Variants in DPH6 observed in about 807,000 individuals in gnomAD.
DPH6 encodes diphthamine biosynthesis 6.
A neutral mutation model predicts 38.2 loss-of-function variants in DPH6; 33 were observed. That is an observed-to-expected ratio of 0.86 (90% CI 0.65 to 1.15). The LOEUF is 1.15. Ranked by LOEUF, DPH6 falls within the 50% of genes most tolerant of loss-of-function variation. DPH6 has a pLI of 0.00. For synonymous variants in DPH6, 108 were observed against 103.0 expected, an observed-to-expected ratio of 1.05 and a Z score of -0.30; for missense variants, 325 against 320.0, an observed-to-expected ratio of 1.02 and a Z score of -0.12.
chr15:35,450,452 A>G (rs1291068192), intron 5 of DPH6, among the ~76,000 whole-genome samples: 3 of 148,562 alleles, frequency 2.0e-5, no homozygotes, highest in East Asian at 2.0e-4. Context: ...AACCTGTTAT[A>G]TGTTAAAAAA....
chr15:35,190,464 G>C, the DPH6 span, among the ~76,000 whole-genome samples: 6 of 152,308 alleles, frequency 3.9e-5, no homozygotes, highest in Admixed American at 3.3e-4. Context: ...GATGACTCCT[G>C]TTACTAAGTG....
chr15:35,163,250 C>T, the DPH6 span, among the ~76,000 whole-genome samples: 2 of 151,832 alleles, frequency 1.3e-5, no homozygotes, highest in Non-Finnish European at 2.9e-5. Flanking sequence ...TCGTTTTTAA[C>T]CTTCCATAGA....
chr15:35,352,434 C>T (rs1172510780), intron 3 of DPH6, among the ~76,000 whole-genome samples: 1 of 152,146 alleles, frequency 6.6e-6, no homozygotes. Flanking sequence ...TCCCCGCTAC[C>T]CCCACCCCAC....
At chr15:35,434,565 C>T (rs532536497) in intron 5 of DPH6, among the ~76,000 whole-genome samples, 4 of 152,002 alleles carry the variant, frequency 2.6e-5, no homozygotes, top group Admixed American at 6.6e-5. Flanking sequence ...TCCAATGTTA[C>T]GCCAATTATA....
chr15:35,273,515 A>G (rs184784949), intron 3 of DPH6, among the ~76,000 whole-genome samples: 2 of 152,294 alleles, frequency 1.3e-5, no homozygotes, highest in East Asian at 3.9e-4. Flanking sequence ...TCAGCCCCCA[A>G]ACTCAGTGCA....
At chr15:35,362,238 GTGTC>G (rs2052620270) in intron 3 of DPH6, among the ~76,000 whole-genome samples, 1 of 152,128 alleles carries the variant, frequency 6.6e-6, no homozygotes, top group South Asian at 2.1e-4. Context: ...ACTCTGTAGA[GTGTC>G]TGTCTGCAGT....
the DPH6 span, among the ~76,000 whole-genome samples, chr15:35,193,387 A>G: frequency 6.6e-6 from 1 of 151,928 alleles, no homozygotes; most frequent in Non-Finnish European, 1.5e-5. Context: ...TAATATTTCG[A>G]TAAATTAATA....
chr15:35,520,327 G>T, intron 3 of DPH6: 2 of 981,044 alleles, frequency 2.0e-6, no homozygotes, highest in Non-Finnish European at 2.4e-6. Flanking sequence ...AATAGAAAAA[G>T]CAAGTTTTTC....
intron 3 of DPH6, among the ~76,000 whole-genome samples, chr15:35,478,921 G>A (rs1179184737): frequency 6.6e-6 from 1 of 151,986 alleles, no homozygotes; most frequent in Non-Finnish European, 1.5e-5. Flanking sequence ...AACTACAGAA[G>A]AAGGCTATTT....
chr15:35,435,819 T>G (rs2053691542), intron 5 of DPH6, among the ~76,000 whole-genome samples: 1 of 151,988 alleles, frequency 6.6e-6, no homozygotes, highest in Non-Finnish European at 1.5e-5. Flanking sequence ...TTTCCTTTTG[T>G]TTCTGAGCCT....
chr15:35,233,120 C>T (rs2051529439), intron 3 of DPH6, among the ~76,000 whole-genome samples: 1 of 152,034 alleles, frequency 6.6e-6, no homozygotes, highest in South Asian at 2.1e-4. Flanking sequence ...CCAGCCTGGC[C>T]AATGTGGTGA....
At chr15:35,170,405 G>A in the DPH6 span, among the ~76,000 whole-genome samples, 1 of 152,106 alleles carries the variant, frequency 6.6e-6, no homozygotes, top group Non-Finnish European at 1.5e-5. Context: ...AAATGCTCTT[G>A]GAAAATAAAC....
At chr15:35,254,334 T>C (rs1057153523) in intron 3 of DPH6, among the ~76,000 whole-genome samples, 1 of 152,222 alleles carries the variant, frequency 6.6e-6, no homozygotes, top group African/African-American at 2.4e-5. Context: ...TTGCATTAAC[T>C]TCATAAACTG....
chr15:35,248,636 C>A (rs1197556132), intron 3 of DPH6, among the ~76,000 whole-genome samples: 1 of 152,176 alleles, frequency 6.6e-6, no homozygotes, highest in African/African-American at 2.4e-5. Context: ...AATCTGAAGG[C>A]TCCCATGTCA....
chr15:35,424,647 T>C (rs947596455), intron 5 of DPH6, among the ~76,000 whole-genome samples: 1 of 151,574 alleles, frequency 6.6e-6, no homozygotes, highest in Non-Finnish European at 1.5e-5. Flanking sequence ...TCTGATAATT[T>C]TCTATTTCAA....
intron 3 of DPH6, among the ~76,000 whole-genome samples, chr15:35,500,566 A>G (rs1291113237): frequency 6.6e-6 from 1 of 152,180 alleles, no homozygotes; most frequent in Non-Finnish European, 1.5e-5. Context: ...ATTTTACCAT[A>G]TACTTGTTGA....
intron 5 of DPH6, among the ~76,000 whole-genome samples, chr15:35,436,819 C>T (rs776052175): frequency 6.8e-6 from 1 of 147,196 alleles, no homozygotes; most frequent in Non-Finnish European, 1.5e-5. Context: ...TTTTTTTTCT[C>T]CCCCTTTTAG....
downstream of DPH6, among the ~76,000 whole-genome samples, chr15:35,216,379 T>C (rs1355409003): frequency 1.3e-5 from 2 of 152,234 alleles, no homozygotes; most frequent in Non-Finnish European, 2.9e-5. Context: ...GTAGCTTAAT[T>C]ATTCATGAAT....
chr15:35,518,190 C>A (rs1342035198), intron 3 of DPH6, among the ~76,000 whole-genome samples: 2 of 152,024 alleles, frequency 1.3e-5, no homozygotes, highest in Non-Finnish European at 1.5e-5. Flanking sequence ...AAAGCCCTTA[C>A]ACAAAAGGAG....
Sources: gnomAD v4.1 joint callset for allele counts (sites outside exome capture counted in the v4.1 genomes callset) on GRCh38, gnomAD v4.1.1 for gene constraint, MANE v1.5 for transcripts, NCBI Gene and HGNC (gene_info 2026-07-23, HGNC 2026-07-21) for gene names.